CCDC178: variants seen among roughly 807,000 people sequenced by gnomAD.
CCDC178 encodes coiled-coil domain-containing protein 178.
A neutral mutation model predicts 117.4 loss-of-function variants in CCDC178; 126 were observed. The ratio of observed to expected loss-of-function variants is 1.07; its 90% confidence interval spans 0.93 to 1.24. The LOEUF (loss-of-function observed/expected upper bound fraction) is 1.24. CCDC178 is among the 50% of genes most tolerant of loss of function. The pLI, the probability that CCDC178 is intolerant of heterozygous loss-of-function variation, is 0.00. For missense variants in CCDC178, 1,030 were observed against 986.9 expected, an observed-to-expected ratio of 1.04 and a Z score of -0.59; for synonymous variants, 283 against 313.4, an observed-to-expected ratio of 0.90 and a Z score of 1.02.
At chr18:33,320,074 G>T (rs940216732) in intron 11 of CCDC178, among the ~76,000 whole-genome samples, 13 of 152,074 alleles carry the variant, frequency 8.5e-5, no homozygotes, top group Admixed American at 2.6e-4. Flanking sequence ...AATAAATTAG[G>T]TATTGATGGG....
chr18:33,072,867 G>A (rs1482871635), intron 21 of CCDC178, among the ~76,000 whole-genome samples: 12 of 151,904 alleles, frequency 7.9e-5, no homozygotes, highest in East Asian at 1.9e-4. Flanking sequence ...TTGGCCTCTC[G>A]AACTGCTGGG....
At chr18:33,102,823 C>T (rs988355244) in intron 20 of CCDC178, among the ~76,000 whole-genome samples, 1 of 151,774 alleles carries the variant, frequency 6.6e-6, no homozygotes, top group Non-Finnish European at 1.5e-5. Context: ...CCAACTATGG[C>T]TCTCCAGCCA....
At chr18:33,345,530 T>C (rs1238093546) in intron 9 of CCDC178, among the ~76,000 whole-genome samples, 1 of 152,224 alleles carries the variant, frequency 6.6e-6, no homozygotes, top group Non-Finnish European at 1.5e-5. Context: ...CATACGCATT[T>C]AGTGCCTAAA....
chr18:33,204,106 T>C (rs900496633), intron 20 of CCDC178, among the ~76,000 whole-genome samples: 1 of 152,012 alleles, frequency 6.6e-6, no homozygotes, highest in African/African-American at 2.4e-5. Flanking sequence ...AAACAAAATA[T>C]AGTCCAGGAA....
At chr18:33,096,345 A>AT (rs1567985973) in intron 20 of CCDC178, among the ~76,000 whole-genome samples, 1 of 113,762 alleles carries the variant, frequency 8.8e-6, no homozygotes, top group East Asian at 2.3e-4. Context: ...AAATTTTTAT[A>AT]TTTTATATAA....
chr18:33,201,439 T>A lies in CCDC178; in HGVS notation c.2238+10457A>T, dbSNP rs142057720. 2.1e-4 allele frequency among the ~76,000 whole-genome samples: 32 copies of A among 152,238 alleles called. 1 individual carries two copies. The East Asian group carries it at 6.2e-3, about 29-fold the overall frequency. On this transcript the variant is annotated intron_variant, in intron 20 of 22. Coordinates refer to ENST00000383096, the MANE Select transcript of CCDC178 (RefSeq NM_001105528.4). ...AGTGATGCTCTCCCTAATGGCAAAG[T>A]TAAGAATATATAACTCAACACTTTG... is the stretch of plus-strand genomic sequence containing the variant.
chr18:33,010,435 G>A (rs943090920), intron 21 of CCDC178, among the ~76,000 whole-genome samples: 26 of 152,082 alleles, frequency 1.7e-4, no homozygotes, highest in African/African-American at 5.8e-4. Context: ...AAATCAAAGG[G>A]TATTTCTTCC....
intron 10 of CCDC178, among the ~76,000 whole-genome samples, chr18:33,329,589 T>C (rs1264490589): frequency 6.6e-6 from 1 of 152,158 alleles, no homozygotes; most frequent in Non-Finnish European, 1.5e-5. Context: ...TGTGGTACAT[T>C]AAACTGATTT....
chr18:33,399,864 A>T (rs903743106), intron 3 of CCDC178, among the ~76,000 whole-genome samples: 2 of 152,090 alleles, frequency 1.3e-5, no homozygotes, highest in African/African-American at 2.4e-5. Flanking sequence ...ACTTTCCTCA[A>T]GGTTTTTTAT....
chr18:33,384,824 AGCC>A (rs1265251762), intron 5 of CCDC178, among the ~76,000 whole-genome samples: 10 of 152,182 alleles, frequency 6.6e-5, no homozygotes, highest in Non-Finnish European at 1.2e-4. Context: ...AAAATTAACC[AGCC>A]AGCGCCATGA....
chr18:33,036,562 C>A (rs1411792659), intron 21 of CCDC178, among the ~76,000 whole-genome samples: 2 of 151,822 alleles, frequency 1.3e-5, no homozygotes, highest in Admixed American at 1.3e-4. Flanking sequence ...GTATAGAAAT[C>A]TGACTGAGGG....
chr18:33,288,121 C>T (rs1326499025), intron 12 of CCDC178, among the ~76,000 whole-genome samples: 1 of 152,082 alleles, frequency 6.6e-6, no homozygotes, highest in Non-Finnish European at 1.5e-5. Flanking sequence ...CTGTGAATGG[C>T]TACTCTCTAC....
At chr18:33,147,200 G>A (rs2058278698) in intron 20 of CCDC178, among the ~76,000 whole-genome samples, 1 of 144,250 alleles carries the variant, frequency 6.9e-6, no homozygotes, top group Non-Finnish European at 1.5e-5. Flanking sequence ...TCTGGAGGCT[G>A]GGAGTTTCAA....
At chr18:33,329,266 T>G (rs1159077160) in intron 10 of CCDC178, among the ~76,000 whole-genome samples, 1 of 152,128 alleles carries the variant, frequency 6.6e-6, no homozygotes, top group Non-Finnish European at 1.5e-5. Context: ...AATTTCTAAT[T>G]TGTGTGCCTT....
chr18:33,337,954 A>C (rs1028899459), intron 9 of CCDC178, among the ~76,000 whole-genome samples: 4 of 152,306 alleles, frequency 2.6e-5, no homozygotes, highest in African/African-American at 9.6e-5. Context: ...AAAAGAAATA[A>C]TCAGAGGTAA....
chr18:33,258,090 T>A (rs2059701110), intron 14 of CCDC178, among the ~76,000 whole-genome samples: 1 of 152,132 alleles, frequency 6.6e-6, no homozygotes, highest in Non-Finnish European at 1.5e-5. Context: ...ATTATTATAT[T>A]TTTTTGAATT....
chr18:33,102,594 C>T lies in CCDC178; in HGVS notation c.2239-9684G>A, dbSNP rs1037564507. On this transcript the variant is annotated intron_variant, in intron 20 of 22. Transcript: ENST00000383096. ...TACTGGTAATGTCTTCATTCTTTTG[C>T]TGCTTTATTGGGAAGGAAGAGATTA... Among the ~76,000 whole-genome samples the T allele has an allele frequency of 4.0e-5, 6 of 151,564 alleles. No homozygotes were observed. In the East Asian group the frequency reaches 9.7e-4, roughly 25 times the overall value.
chr18:33,439,185 T>C (rs1406563987), intron 2 of CCDC178, among the ~76,000 whole-genome samples: 2 of 152,198 alleles, frequency 1.3e-5, no homozygotes, highest in Non-Finnish European at 2.9e-5. Context: ...AATAAGCCAG[T>C]GTGAGAATGA....
chr18:33,289,745 A>G (rs975003262), intron 12 of CCDC178, among the ~76,000 whole-genome samples: 2 of 152,206 alleles, frequency 1.3e-5, no homozygotes, highest in Non-Finnish European at 2.9e-5. Context: ...ATAAACAAAC[A>G]TTTATTGTGT....
Sources: allele counts gnomAD v4.1 joint callset (sites outside exome capture counted in the v4.1 genomes callset), GRCh38; gene constraint gnomAD v4.1.1; transcripts MANE v1.5; gene names NCBI Gene and HGNC (gene_info 2026-07-23, HGNC 2026-07-21).